Variants in CSMD1 observed in about 807,000 individuals in gnomAD.
The protein encoded by CSMD1 is CUB and sushi domain-containing protein 1.
A neutral mutation model predicts 417.5 loss-of-function variants in CSMD1; 213 were observed. The observed-to-expected ratio is 0.51, with a 90% CI of 0.46 to 0.57. The LOEUF (loss-of-function observed/expected upper bound fraction) is 0.57. Ranked by LOEUF, CSMD1 falls within the 20% of genes least tolerant of loss-of-function variation. The probability of loss-of-function intolerance (pLI) is 0.00; values close to 1 mark genes in which losing one functional copy is unlikely to be tolerated. For missense variants in CSMD1, 6,923 were observed against 4,529.7 expected, an observed-to-expected ratio of 1.53 and a Z score of -15.17; for synonymous variants, 2,862 against 1,736.8, an observed-to-expected ratio of 1.65 and a Z score of -16.11.
At chr8:3,920,935 T>C (rs1809207282) in intron 5 of CSMD1, among the ~76,000 whole-genome samples, 1 of 152,170 alleles carries the variant, frequency 6.6e-6, no homozygotes, top group African/African-American at 2.4e-5. Context: ...GTACATTTCT[T>C]TTATTGTAAT....
intron 26 of CSMD1, among the ~76,000 whole-genome samples, chr8:3,245,286 C>G (rs909824575): frequency 6.6e-6 from 1 of 152,182 alleles, no homozygotes; most frequent in Non-Finnish European, 1.5e-5. Context: ...TGAGAAGCAC[C>G]TCCAGTTCCT....
chr8:4,446,569 G>C (rs190467199), intron 2 of CSMD1, among the ~76,000 whole-genome samples: 163 of 152,140 alleles, frequency 1.1e-3, no homozygotes, highest in African/African-American at 3.6e-3. Context: ...TTTTGTTGTG[G>C]GGAAGATGGA....
At position 3,408,029 on chromosome 8, in the gene CSMD1, G is replaced by T; in HGVS notation, c.1941C>A (p.Asp647Glu). The T allele has an allele frequency of 6.2e-7, 1 of 1,613,936 alleles. No individual in the cohort carries two copies. The part of the protein sequence containing the change: ...FLAVKDDGIS[D>E]ITVLGTFSGN... ...CAGAAAAAGTACCCAGGACAGTTAT[G>T]TCAGAAATGCCATCATCCTTGACCG... The change falls in exon 14 of 70, where the codon GAC becomes GAA. Residue 647 changes from aspartate to glutamate, a missense_variant. Asp to Glu is a conservative substitution (Grantham distance 45, BLOSUM62 2). Coordinates refer to ENST00000635120, the MANE Select transcript of CSMD1 (RefSeq NM_033225.6).
chr8:2,951,184 C>A lies in CSMD1; in HGVS notation c.10131G>T (p.Trp3377Cys), dbSNP rs746489196. The change falls in exon 66 of 70, where the codon TGG becomes TGT. Residue 3377 changes from tryptophan to cysteine, a missense_variant. Transcript: ENST00000635120. ...TCACCTTACTGCTTGTTGCATTGAACCAGTCAACAGTTAGAGTGGCGGGTT... is the reference window on the plus strand; with the variant it reads ...TCACCTTACTGCTTGTTGCATTGAAACAGTCAACAGTTAGAGTGGCGGGTT... ...KRQPATLTVD[W>C]FNATSSKVNA... 3 of 1,613,444 alleles carry A rather than the reference C, an allele frequency of 1.9e-6. No homozygotes were observed. The highest frequency in any genetic ancestry group is 1.3e-5 in the African/African-American group (1 of 74,886).
intron 1 of CSMD1, among the ~76,000 whole-genome samples, chr8:4,930,582 G>C (rs186910965): frequency 6.6e-6 from 1 of 152,136 alleles, no homozygotes; most frequent in African/African-American, 2.4e-5. Context: ...CCCCTGCTAG[G>C]ATTGGCAAGG....
At chr8:3,776,347 C>T (rs753663479) in intron 5 of CSMD1, among the ~76,000 whole-genome samples, 4 of 152,150 alleles carry the variant, frequency 2.6e-5, no homozygotes, top group South Asian at 4.2e-4. Flanking sequence ...GCGACACTCT[C>T]CAGGGGTCAC....
At chr8:4,196,119 G>C (rs879929226) in intron 3 of CSMD1, among the ~76,000 whole-genome samples, 4 of 152,122 alleles carry the variant, frequency 2.6e-5, no homozygotes, top group African/African-American at 4.8e-5. Flanking sequence ...ACTGAGGCAG[G>C]AGAATGGCTT....
rs1057502307 is a variant in CSMD1, at chr8:3,884,742, C to A, written c.818+113161G>T. Among the ~76,000 whole-genome samples the A allele has an allele frequency of 3.3e-5, 5 of 152,108 alleles. No homozygotes were observed. In the East Asian group the frequency reaches 7.7e-4, roughly 24 times the overall value. ...ATGATTGGCCTTAACTTGTATAAAACCTGTGAGTAAATAATGATTCTAATC... is the reference window on the plus strand; with the variant it reads ...ATGATTGGCCTTAACTTGTATAAAAACTGTGAGTAAATAATGATTCTAATC... On this transcript the variant is annotated intron_variant, in intron 5 of 69. Transcript: ENST00000635120.
chr8:3,333,346 A>T (rs896200477), intron 23 of CSMD1, among the ~76,000 whole-genome samples: 1 of 150,476 alleles, frequency 6.6e-6, no homozygotes, highest in African/African-American at 2.5e-5. Context: ...ATAGAAAACT[A>T]AGGTACACAA....
At chr8:4,804,648 A>G (rs981885503) in intron 1 of CSMD1, among the ~76,000 whole-genome samples, 2 of 152,128 alleles carry the variant, frequency 1.3e-5, no homozygotes, top group Non-Finnish European at 2.9e-5. Context: ...ATAATATTAC[A>G]AAGAATTTTT....
chr8:3,712,744 C>T (rs1168479709), intron 6 of CSMD1, among the ~76,000 whole-genome samples: 3 of 152,094 alleles, frequency 2.0e-5, no homozygotes, highest in South Asian at 2.1e-4. Context: ...CTTCAATGCA[C>T]GCCAAAGTTA....
intron 1 of CSMD1, among the ~76,000 whole-genome samples, chr8:4,918,419 C>G (rs1806215717): frequency 6.6e-6 from 1 of 152,158 alleles, no homozygotes; most frequent in South Asian, 2.1e-4. Flanking sequence ...GCACAATATC[C>G]TCCTCTTGTC....
At chr8:4,293,332 T>G (rs1018315057) in intron 3 of CSMD1, among the ~76,000 whole-genome samples, 3 of 152,206 alleles carry the variant, frequency 2.0e-5, no homozygotes, top group Non-Finnish European at 4.4e-5. Context: ...CTGAAATTAC[T>G]TGTGCAAATA....
intron 6 of CSMD1, among the ~76,000 whole-genome samples, chr8:3,712,359 C>T (rs1439446479): frequency 6.7e-6 from 1 of 149,008 alleles, no homozygotes; most frequent in Non-Finnish European, 1.5e-5. Flanking sequence ...CAGAGATTTT[C>T]ATTTGCAAAG....
At position 4,167,244 on chromosome 8, in the gene CSMD1, C is replaced by T. The variant is rs148568475; in HGVS notation, c.416-135145G>A. On this transcript the variant is annotated intron_variant, in intron 3 of 69. Coordinates refer to ENST00000635120, the MANE Select transcript of CSMD1 (RefSeq NM_033225.6). The stretch of plus-strand genomic sequence containing the variant: ...CCTGATTTTAGGGAAGGAGTGTCTT[C>T]GAAGGTGAGAAAAACAGTTTTTCCT... Among the ~76,000 whole-genome samples the T allele has an allele frequency of 6.4e-3, 974 of 152,028 alleles. 9 individuals are homozygous for T. Among genetic ancestry groups the T allele is most frequent in the African/African-American group, 0.023 (942 of 41,460 alleles).
chr8:3,477,361 G>A (rs1817492005), intron 11 of CSMD1, among the ~76,000 whole-genome samples: 1 of 152,186 alleles, frequency 6.6e-6, no homozygotes, highest in Non-Finnish European at 1.5e-5. Flanking sequence ...GAACTGCTTT[G>A]TAGTCTTTAT....
intron 2 of CSMD1, among the ~76,000 whole-genome samples, chr8:4,450,538 G>C (rs932326073): frequency 2.0e-5 from 3 of 152,070 alleles, no homozygotes; most frequent in Non-Finnish European, 2.9e-5. Context: ...GGGAGGCTGA[G>C]GCACGGGATT....
intron 1 of CSMD1, among the ~76,000 whole-genome samples, chr8:4,676,446 T>C (rs959325724): frequency 2.0e-5 from 3 of 152,256 alleles, no homozygotes; most frequent in East Asian, 1.9e-4. Context: ...TGCTGGAGTA[T>C]GTCTTCATTC....
rs560481539 is a variant in CSMD1, at chr8:4,332,912, C to G, written c.415+87041G>C. Among the ~76,000 whole-genome samples the G allele has an allele frequency of 8.8e-5, 13 of 148,074 alleles. No homozygotes were observed. In the East Asian group the frequency reaches 2.2e-3, roughly 25 times the overall value. ...ACAACACAATGACTTGAAAAGGGTACTTTACTATCACATTTTTTTCTTATA... is the reference window on the plus strand; with the variant it reads ...ACAACACAATGACTTGAAAAGGGTAGTTTACTATCACATTTTTTTCTTATA... On this transcript the variant is annotated intron_variant, in intron 3 of 69. Coordinates refer to ENST00000635120, the MANE Select transcript of CSMD1 (RefSeq NM_033225.6).
Sources: gnomAD v4.1 joint callset for allele counts (sites outside exome capture counted in the v4.1 genomes callset) on GRCh38, gnomAD v4.1.1 for gene constraint, MANE v1.5 for transcripts, NCBI Gene and HGNC (gene_info 2026-07-23, HGNC 2026-07-21) for gene names.